Variants in HMMR observed in about 807,000 individuals in gnomAD.
The protein encoded by HMMR is hyaluronan mediated motility receptor.
In HMMR, 108 loss-of-function variants were observed where a neutral mutation model predicts 101.0. The ratio of observed to expected loss-of-function variants is 1.07; its 90% confidence interval spans 0.92 to 1.25. The LOEUF (loss-of-function observed/expected upper bound fraction) is 1.25. Among genes scored for constraint, HMMR ranks in the 50% most tolerant of loss-of-function variants. The pLI, the probability that HMMR is intolerant of heterozygous loss-of-function variation, is 0.00. For synonymous variants in HMMR, 296 were observed against 276.4 expected (o/e 1.07, Z -0.70); for missense variants, 813 against 788.7 (o/e 1.03, Z -0.37).
Position 163,464,811 on chromosome 5 carries a change from C to A in HMMR, c.225+9C>A. 6.4e-7 allele frequency: 1 copy of A among 1,551,842 alleles called. No homozygotes were observed. Among genetic ancestry groups the A allele is most frequent in the Non-Finnish European group, 8.9e-7 (1 of 1,124,388 alleles). On this transcript the variant is annotated intron_variant, in intron 3 of 17. Transcript: ENST00000393915. ...AGTCTTCGGAATCAAAGGTGAGGAG[C>A]TTTTATATGCCAGCTGGTTTATCAA... is the stretch of plus-strand genomic sequence containing the variant.
At chr5:163,474,250 A>T in intron 10 of HMMR, 45 bp downstream of exon 10, 1 of 1,450,450 alleles carries the variant, frequency 6.9e-7, no homozygotes, top group South Asian at 1.2e-5. Context: ...TTTGTGTCAT[A>T]CATTTCCCTA....
rs1475213824 is a variant in HMMR, at chr5:163,483,169, G to A, written c.1682G>A (p.Gly561Glu). ...DFRKQLEDEE[G>E]RKAEKENTTA... ...AGAAAACAGCTGGAAGATGAAGAAG[G>A]AAGGTAATCTATGATTAGAACCTGA... The change falls in exon 14 of 18, where the codon GGA (glycine) becomes GAA (glutamate). Residue 561 changes from glycine to glutamate, a missense_variant. Physicochemically the swap from Gly to Glu is moderately conservative, Grantham distance 98. Coordinates refer to ENST00000393915, the MANE Select transcript of HMMR (RefSeq NM_001142556.2). 6.2e-7 allele frequency: 1 copy of A among 1,610,132 alleles called. No homozygotes were observed. The highest frequency in any genetic ancestry group is 1.3e-5 in the African/African-American group (1 of 74,478).
In HMMR at chr5:163,471,255, G is replaced by T. The variant is rs1758880526; in HGVS notation, c.533G>T (p.Arg178Ile). 1.2e-6 allele frequency: 2 copies of T among 1,612,760 alleles called. No homozygotes were observed. The change falls in exon 6 of 18, where the codon AGA becomes ATA. Residue 178 changes from arginine (R) to isoleucine (I), a missense_variant. Arg to Ile is a moderately conservative substitution (Grantham distance 97). Coordinates refer to ENST00000393915, the MANE Select transcript of HMMR (RefSeq NM_001142556.2). ...GAGTTGATGAAACTTAGAAACAAAA[G>T]AGAAACAAAGATGAGGGTGAGTGCT... ...SLELMKLRNK[R>I]ETKMRGMMAK...
intron 12 of HMMR, among the ~76,000 whole-genome samples, chr5:163,481,258 A>G (rs1759246437): frequency 6.6e-6 from 1 of 151,572 alleles, no homozygotes; most frequent in East Asian, 1.9e-4. Context: ...TGTTTTATTT[A>G]TAATTTTTAT....
At chr5:163,464,426 G>A (rs541643777) in intron 2 of HMMR, among the ~76,000 whole-genome samples, 1 of 152,242 alleles carries the variant, frequency 6.6e-6, no homozygotes, top group East Asian at 1.9e-4. Flanking sequence ...GACAAGCCTG[G>A]CCAACATGGT....
At chr5:163,485,699 C>T (rs1344548449) in intron 16 of HMMR, among the ~76,000 whole-genome samples, 1 of 152,036 alleles carries the variant, frequency 6.6e-6, no homozygotes, top group African/African-American at 2.4e-5. Context: ...TTTGTTCGTT[C>T]CTTGGTATCT....
At chr5:163,465,481 C>T (rs924369135) in intron 3 of HMMR, among the ~76,000 whole-genome samples, 1 of 152,054 alleles carries the variant, frequency 6.6e-6, no homozygotes, top group Non-Finnish European at 1.5e-5. Context: ...ATTACAGGCA[C>T]GCCCCACCAC....
rs746093159 is a variant in HMMR at position 163,483,094 on chromosome 5, A to C, written c.1607A>C (p.Gln536Pro). 1 of 1,612,670 alleles carries C rather than the reference A, an allele frequency of 6.2e-7. No individual in the cohort carries two copies. Among genetic ancestry groups the C allele is most frequent in the South Asian group, 1.1e-5 (1 of 90,916 alleles). Residue 536 changes from glutamine to proline, a missense_variant, in exon 14 of 18, where the codon CAA (glutamine) becomes CCA (proline). Gln to Pro is a moderately conservative substitution (Grantham distance 76). Coordinates refer to ENST00000393915, the MANE Select transcript of HMMR (RefSeq NM_001142556.2). ...EIKEITVSFL[Q>P]KITDLQNQLK... ...AAAGAAATCACAGTTTCTTTTCTTC[A>C]AAAAATAACTGATTTGCAGAACCAA...
Position 163,471,218 on chromosome 5 carries a change from A to G in HMMR, c.496A>G (p.Ile166Val). 6.2e-7 allele frequency: 1 copy of G among 1,612,300 alleles called. No individual in the cohort carries two copies. The highest frequency in any genetic ancestry group is 8.5e-7 in the Non-Finnish European group (1 of 1,178,396). ...AAATGGTAACCAGAAGAATTTGAGA[A>G]TTCTAAGCTTGGAGTTGATGAAACT... ...SENGNQKNLR[I>V]LSLELMKLRN... The change falls in exon 6 of 18, where the codon ATT (isoleucine) becomes GTT (valine). Residue 166 changes from isoleucine (I) to valine (V), a missense_variant. Transcript: ENST00000393915.
chr5:163,485,142 G>A (rs999077631), intron 16 of HMMR, among the ~76,000 whole-genome samples: 1 of 152,064 alleles, frequency 6.6e-6, no homozygotes, highest in Non-Finnish European at 1.5e-5. Context: ...GAAATAATAG[G>A]AGGGAAATTG....
intron 7 of HMMR, 73 bp from the exon 8 acceptor site, chr5:163,473,105 TG>T: frequency 1.3e-6 from 1 of 753,476 alleles, no homozygotes; most frequent in Non-Finnish European, 2.3e-6. Flanking sequence ...CAGGAGTATC[TG>T]GTACATAAGC....
rs761183810 is a variant in HMMR at position 163,482,703 on chromosome 5, G to A, written c.1447G>A (p.Glu483Lys). ...TAAGCTGGAGAACTCATCATTACAG[G>A]AAAAAGCGGCCAAGGCTGGGAAAAA... Reference protein sequence around the residue: ...DLKLENSSLQEKAAKAGKNAE... With the variant: ...DLKLENSSLQKKAAKAGKNAE... Residue 483 changes from glutamate to lysine, a missense_variant, in exon 13 of 18, where the codon GAA (glutamate) becomes AAA (lysine). Coordinates refer to ENST00000393915, the MANE Select transcript of HMMR (RefSeq NM_001142556.2). 6.2e-7 allele frequency: 1 copy of A among 1,613,210 alleles called. No homozygotes were observed. Among genetic ancestry groups the A allele is most frequent in the Non-Finnish European group, 8.5e-7 (1 of 1,179,234 alleles).
intron 11 of HMMR, among the ~76,000 whole-genome samples, chr5:163,477,162 T>C (rs1308162472): frequency 1.3e-5 from 2 of 152,268 alleles, no homozygotes; most frequent in African/African-American, 4.8e-5. Flanking sequence ...TAGTAATTGC[T>C]AATTTTTTAT....
At chr5:163,462,853 T>C (rs1354039547) in intron 1 of HMMR, among the ~76,000 whole-genome samples, 1 of 122,768 alleles carries the variant, frequency 8.1e-6, no homozygotes, top group African/African-American at 2.9e-5. Context: ...AAAAAAAAAA[T>C]CATGAGTTCC....
At chr5:163,470,100 G>A (rs1296843324) in intron 5 of HMMR, among the ~76,000 whole-genome samples, 2 of 152,074 alleles carry the variant, frequency 1.3e-5, no homozygotes, top group Non-Finnish European at 2.9e-5. Context: ...CCCAGGAGGT[G>A]GAGGTTGCAG....
intron 7 of HMMR, among the ~76,000 whole-genome samples, chr5:163,472,024 G>C (rs891174260): frequency 1.3e-5 from 2 of 150,144 alleles, no homozygotes; most frequent in Non-Finnish European, 3.0e-5. Flanking sequence ...AATTAGCTTT[G>C]CCTTTTTTTA....
chr5:163,464,626 CAAAA>C (rs1758641706), intron 2 of HMMR, 93 bp from the exon 3 acceptor site: 1 of 838,472 alleles, frequency 1.2e-6, no homozygotes, highest in Admixed American at 2.3e-5. Flanking sequence ...CAAAAACAAA[CAAAA>C]AGAGAAAGAC....
At chr5:163,490,755 C>A (rs1759666374) in intron 17 of HMMR, among the ~76,000 whole-genome samples, 1 of 152,206 alleles carries the variant, frequency 6.6e-6, no homozygotes, top group African/African-American at 2.4e-5. Flanking sequence ...TCTGCCTGTT[C>A]TTCAAGGCAA....
At position 163,491,147 on chromosome 5, in the gene HMMR, C is replaced by T; in HGVS notation, c.2161C>T (p.Gln721Ter). The T allele has an allele frequency of 3.8e-6, 6 of 1,566,030 alleles. No homozygotes were observed. Among genetic ancestry groups the T allele is most frequent in the Non-Finnish European group, 5.2e-6 (6 of 1,150,242 alleles). Residue 721 changes from glutamine to a stop codon, truncating the protein, a stop_gained, in exon 18 of 18, where the codon CAA becomes TAA. Coordinates refer to ENST00000393915, the MANE Select transcript of HMMR (RefSeq NM_001142556.2). LOFTEE classifies it high-confidence loss of function. The stretch of plus-strand genomic sequence containing the variant: ...CTGTTACCGAGCTCCTATGGAGTGT[C>T]AAGAATCATGGAAGTAAACATCTGA... Reference protein sequence around the residue: ...TNCYRAPMECQESWK With the variant: ...TNCYRAPMEC
Sources: allele counts gnomAD v4.1 joint callset (sites outside exome capture counted in the v4.1 genomes callset), GRCh38; gene constraint gnomAD v4.1.1; transcripts MANE v1.5; gene names NCBI Gene and HGNC (gene_info 2026-07-23, HGNC 2026-07-21).